ABLIM2: variants seen among roughly 807,000 people sequenced by gnomAD.
ABLIM2 encodes the protein actin-binding LIM protein 2.
Under a neutral mutation model 97.7 loss-of-function variants are expected in ABLIM2, and 53 were observed. The ratio of observed to expected loss-of-function variants is 0.54; its 90% CI spans 0.44 to 0.68. ABLIM2 has a LOEUF of 0.68. ABLIM2 is among the 30% of genes least tolerant of loss of function. ABLIM2 has a pLI of 0.00. For missense variants in ABLIM2, 835 were observed against 867.2 expected, an observed-to-expected ratio of 0.96 and a Z score of 0.47; for synonymous variants, 361 against 345.8, an observed-to-expected ratio of 1.04 and a Z score of -0.49.
At chr4:7,988,703 T>G (rs1746385453) in intron 17 of ABLIM2, among the ~76,000 whole-genome samples, 1 of 152,230 alleles carries the variant, frequency 6.6e-6, no homozygotes, top group South Asian at 2.1e-4. Context: ...ATAAAAGATT[T>G]CACAACTCTA....
intron 17 of ABLIM2, among the ~76,000 whole-genome samples, chr4:7,990,394 C>G (rs1747738487): frequency 6.6e-6 from 1 of 152,124 alleles, no homozygotes; most frequent in African/African-American, 2.4e-5. Flanking sequence ...GACAGGGAGG[C>G]AGGCTGGTCT....
intron 20 of ABLIM2, among the ~76,000 whole-genome samples, chr4:7,981,413 A>G (rs1738349746): frequency 6.6e-6 from 1 of 152,146 alleles, no homozygotes; most frequent in South Asian, 2.1e-4. Flanking sequence ...TGTACCTTAC[A>G]TGTATTGATT....
rs893569289 is a variant in ABLIM2, at chr4:8,068,436, A to T, written c.676-7382T>A. Among the ~76,000 whole-genome samples the T allele has an allele frequency of 2.6e-5, 4 of 152,256 alleles. No homozygotes were observed. The East Asian group carries it at 7.7e-4, about 29-fold the overall frequency. Reference sequence around the variant, plus strand: ...GGGCAGCGGTTTAAGGGACGTCCCCACTGTGACGTGCAGAATAGGGCCAGC... The same window carrying T: ...GGGCAGCGGTTTAAGGGACGTCCCCTCTGTGACGTGCAGAATAGGGCCAGC... On this transcript the variant is annotated intron_variant, in intron 6 of 20. Transcript: ENST00000447017. This position sits in a 1 kb window ranked among gnomAD's most constrained non-coding sequence, Gnocchi z 4.5.
intron 3 of ABLIM2, among the ~76,000 whole-genome samples, chr4:8,091,295 A>ATATAT (rs1284778733): frequency 1.8e-5 from 1 of 56,470 alleles, no homozygotes; most frequent in Non-Finnish European, 3.0e-5. Flanking sequence ...ATATAATATT[A>ATATAT]TATATTATAT....
At chr4:8,028,108 G>A (rs180880788) in intron 11 of ABLIM2, among the ~76,000 whole-genome samples, 5 of 152,212 alleles carry the variant, frequency 3.3e-5, no homozygotes, top group South Asian at 2.1e-4. Context: ...GGTTCCCCAG[G>A]GGGGGTTAGG....
At position 7,986,493 on chromosome 4, in the gene ABLIM2, C is replaced by T. The variant is rs557610737; in HGVS notation, c.1681-1600G>A. 3.3e-5 allele frequency among the ~76,000 whole-genome samples: 5 copies of T among 152,236 alleles called. No individual in the cohort carries two copies. In the East Asian group the frequency reaches 9.6e-4, roughly 29 times the overall value. On this transcript the variant is annotated intron_variant, in intron 17 of 20. Transcript: ENST00000447017. This position sits in a 1 kb window ranked among gnomAD's most constrained non-coding sequence, Gnocchi z 4.3. ...TTTACATTTTTGCTATTTTGTTTAT[C>T]GTGAAATTTTTTACATTAATTTGGA...
At position 8,125,032 on chromosome 4, in the gene ABLIM2, G is replaced by A. The variant is rs1389170280; in HGVS notation, c.11-18395C>T. Among the ~76,000 whole-genome samples the A allele has an allele frequency of 6.6e-6, 1 of 152,180 alleles. No homozygotes were observed. The highest frequency in any genetic ancestry group is 1.5e-5 in the Non-Finnish European group (1 of 68,030). On this transcript the variant is annotated intron_variant, in intron 1 of 20. Coordinates refer to ENST00000447017, the MANE Select transcript of ABLIM2 (RefSeq NM_001130083.2). This position sits in a 1 kb window ranked among gnomAD's most constrained non-coding sequence, Gnocchi z 6.2. ...CTCTGGGAGTCTTCTTTGTAAAAAT[G>A]TCGATGCAGATGCTTTGCCCATTTT...
intron 16 of ABLIM2, 184 bp downstream of exon 16, chr4:8,007,875 G>A: frequency 2.9e-6 from 4 of 1,402,166 alleles, no homozygotes; most frequent in Non-Finnish European, 3.7e-6. Flanking sequence ...ACAGTTCTTG[G>A]GAAGCCGGCA....
chr4:8,055,595 C>T (rs1798564431), intron 7 of ABLIM2, among the ~76,000 whole-genome samples: 1 of 152,206 alleles, frequency 6.6e-6, no homozygotes, highest in Non-Finnish European at 1.5e-5. Context: ...ACAAAAAAGC[C>T]ACACAGGCTA....
rs1316051430 is a variant in ABLIM2 at position 8,085,616 on chromosome 4, C to A, written c.454+2553G>T. Among the ~76,000 whole-genome samples the A allele has an allele frequency of 6.7e-6, 1 of 150,318 alleles. No homozygotes were observed. Among genetic ancestry groups the A allele is most frequent in the Non-Finnish European group, 1.5e-5 (1 of 67,702 alleles). ...CTCACGCGGGTCTGGGGGGTGCCCA[C>A]GCTGCAGCCCTGTCCACTCACGCAG... On this transcript the variant is annotated intron_variant, in intron 4 of 20. Transcript: ENST00000447017. This position sits in a 1 kb window ranked among gnomAD's most constrained non-coding sequence, Gnocchi z 6.1.
rs1711623517 is a variant in ABLIM2, at chr4:8,149,017, G to A, written c.10+9663C>T. The stretch of plus-strand genomic sequence containing the variant: ...AGAGTCAGGCCACGCTGAGATCTGG[G>A]GTCCCCAGATACCAGGGCAGATCCA... On this transcript the variant is annotated intron_variant, in intron 1 of 20. Transcript: ENST00000447017. The surrounding 1 kb of genome is among the most constrained non-coding windows in gnomAD (Gnocchi z 6.4). 6.6e-6 allele frequency among the ~76,000 whole-genome samples: 1 copy of A among 152,316 alleles called. No individual in the cohort carries two copies. Among genetic ancestry groups the A allele is most frequent in the South Asian group, 2.1e-4 (1 of 4,820 alleles).
Position 8,130,310 on chromosome 4 carries a change from G to T in ABLIM2, c.11-23673C>A, listed in dbSNP as rs1057321237. ...GATGGCCCATGCTGGGAAACATCAC[G>T]TTGCTTTGAGGCCATCATCTTAAGG... On this transcript the variant is annotated intron_variant, in intron 1 of 20. Coordinates refer to ENST00000447017, the MANE Select transcript of ABLIM2 (RefSeq NM_001130083.2). The surrounding 1 kb of genome is among the most constrained non-coding windows in gnomAD (Gnocchi z 4.2). 2.0e-5 allele frequency among the ~76,000 whole-genome samples: 3 copies of T among 152,200 alleles called. No individual in the cohort carries two copies. Among genetic ancestry groups the T allele is most frequent in the Non-Finnish European group, 4.4e-5 (3 of 68,046 alleles).
intron 1 of ABLIM2, among the ~76,000 whole-genome samples, chr4:8,119,719 C>G (rs1415061038): frequency 2.0e-5 from 3 of 152,234 alleles, no homozygotes; most frequent in Non-Finnish European, 2.9e-5. Context: ...AACAGTGACA[C>G]TGTCTTTTAA....
intron 9 of ABLIM2, among the ~76,000 whole-genome samples, chr4:8,040,339 A>G (rs28488135): frequency 0.25 from 37,503 of 152,110 alleles, 5,086 homozygotes; most frequent in East Asian, 0.45. Flanking sequence ...GGCCAGGCGC[A>G]GTGGCTCACA....
intron 6 of ABLIM2, among the ~76,000 whole-genome samples, chr4:8,070,030 A>G (rs935425131): frequency 6.7e-6 from 1 of 149,932 alleles, no homozygotes; most frequent in Admixed American, 6.6e-5. Flanking sequence ...GTGTGTGTCT[A>G]TGTGCTTTGT....
rs767105030 is a variant in ABLIM2, at chr4:8,043,242, G to T, written c.900+1922C>A. 6.6e-6 allele frequency among the ~76,000 whole-genome samples: 1 copy of T among 152,150 alleles called. No homozygotes were observed. The highest frequency in any genetic ancestry group is 1.5e-5 in the Non-Finnish European group (1 of 68,024). On this transcript the variant is annotated intron_variant, in intron 9 of 20. Coordinates refer to ENST00000447017, the MANE Select transcript of ABLIM2 (RefSeq NM_001130083.2). This position sits in a 1 kb window ranked among gnomAD's most constrained non-coding sequence, Gnocchi z 4.8. ...GTCACCTAAAACTTTGATTAAATACGTCTGTCATGCTTTTCTCTTGTGAAC... is the reference window on the plus strand; with the variant it reads ...GTCACCTAAAACTTTGATTAAATACTTCTGTCATGCTTTTCTCTTGTGAAC...
chr4:8,047,768 C>G (rs753398176), intron 8 of ABLIM2, among the ~76,000 whole-genome samples: 21 of 152,342 alleles, frequency 1.4e-4, no homozygotes, highest in African/African-American at 5.1e-4. Context: ...ACGGGCTTAC[C>G]GTTTCTGAGG....
At chr4:8,027,655 CAG>C in intron 12 of ABLIM2, 102 bp downstream of exon 12, 1 of 892,332 alleles carries the variant, frequency 1.1e-6, no homozygotes, top group Non-Finnish European at 1.6e-6. Flanking sequence ...GGGCATGAAA[CAG>C]GGGCTCCGGT....
At position 7,966,513 on chromosome 4, in the gene ABLIM2, C is replaced by T. The variant is rs772320241; in HGVS notation, c.*477G>A. 1.2e-5 allele frequency: 2 copies of T among 162,728 alleles called. No homozygotes were observed. The highest frequency in any genetic ancestry group is 2.4e-5 in the African/African-American group (1 of 41,824). The allele number at this position is 162,728 out of a possible 1,614,324, so 10.1% of individuals were successfully genotyped here. The stretch of plus-strand genomic sequence containing the variant: ...GCACTGTCCCAGACGCTCACTGCCC[C>T]GTCTGCGAGTCTGCCTGTGAGGCCA... On this transcript the variant is annotated 3_prime_UTR_variant, in exon 21 of 21. Coordinates refer to ENST00000447017, the MANE Select transcript of ABLIM2 (RefSeq NM_001130083.2).
Sources: gnomAD v4.1 joint callset for allele counts (sites outside exome capture counted in the v4.1 genomes callset) on GRCh38, gnomAD v4.1.1 for gene constraint, Gnocchi (gnomAD v3.1) non-coding constraint, MANE v1.5 for transcripts, NCBI Gene and HGNC (gene_info 2026-07-23, HGNC 2026-07-21) for gene names.